Variants in NBEA observed in about 807,000 individuals in gnomAD.
NBEA encodes the protein lysosomal-trafficking regulator 2.
In NBEA, 44 loss-of-function variants were observed where a neutral mutation model predicts 343.4. That is an observed-to-expected ratio of 0.13 (90% confidence interval 0.10 to 0.16). The LOEUF (loss-of-function observed/expected upper bound fraction) is 0.16. Among genes scored for constraint, NBEA ranks in the 10% least tolerant of loss-of-function variants. The probability of loss-of-function intolerance (pLI) is 1.00; values close to 1 mark genes in which losing one functional copy is unlikely to be tolerated. For missense variants in NBEA, 2,555 were observed against 3,631.3 expected, an observed-to-expected ratio of 0.70 and a Z score of 7.62; for synonymous variants, 1,175 against 1,238.7, an observed-to-expected ratio of 0.95 and a Z score of 1.08.
chr13:34,972,522 T>C (rs2060031570), intron 1 of NBEA, among the ~76,000 whole-genome samples: 1 of 152,248 alleles, frequency 6.6e-6, no homozygotes, highest in Non-Finnish European at 1.5e-5. Context: ...TTCTGGTACC[T>C]TGTATCTTTG....
intron 47 of NBEA, among the ~76,000 whole-genome samples, chr13:35,601,843 A>G (rs890242418): frequency 6.6e-6 from 1 of 151,658 alleles, no homozygotes; most frequent in Non-Finnish European, 1.5e-5. Context: ...AGAATATAGG[A>G]GCAGGAAACC....
At chr13:35,142,608 T>C (rs924216928) in intron 18 of NBEA, among the ~76,000 whole-genome samples, 1 of 152,208 alleles carries the variant, frequency 6.6e-6, no homozygotes, top group Non-Finnish European at 1.5e-5. Context: ...TTTCTTCTTG[T>C]ATGGGTTGGC....
At chr13:35,219,751 C>T (rs1338466280) in intron 33 of NBEA, among the ~76,000 whole-genome samples, 3 of 152,014 alleles carry the variant, frequency 2.0e-5, no homozygotes, top group African/African-American at 4.8e-5. Context: ...GAAGAAGAGC[C>T]GATGTTTCCG....
At chr13:35,006,590 C>T (rs78079959) in intron 1 of NBEA, among the ~76,000 whole-genome samples, 2,345 of 152,224 alleles carry the variant, frequency 0.015, 65 homozygotes, top group African/African-American at 0.054. Flanking sequence ...CATCTGGGCT[C>T]ATTTACTTTC....
chr13:35,074,125 A>G (rs2064002191), intron 10 of NBEA, among the ~76,000 whole-genome samples: 1 of 152,220 alleles, frequency 6.6e-6, no homozygotes, highest in South Asian at 2.1e-4. Flanking sequence ...ATTTATTACT[A>G]GTACAACTTT....
intron 41 of NBEA, among the ~76,000 whole-genome samples, chr13:35,541,447 A>G (rs189905738): frequency 1.0e-3 from 159 of 152,202 alleles, no homozygotes; most frequent in African/African-American, 3.8e-3. Flanking sequence ...CACTTGGTAG[A>G]AAAGAGCTGA....
At chr13:35,454,170 TACAGTGGAAA>T (rs1051437504) in intron 40 of NBEA, among the ~76,000 whole-genome samples, 3 of 152,186 alleles carry the variant, frequency 2.0e-5, no homozygotes, top group Non-Finnish European at 4.4e-5. Flanking sequence ...GAACCTTGAA[TACAGTGGAAA>T]AGAAGTAAGG....
chr13:35,314,446 A>G (rs2037581421), intron 36 of NBEA, among the ~76,000 whole-genome samples: 1 of 152,010 alleles, frequency 6.6e-6, no homozygotes, highest in Non-Finnish European at 1.5e-5. Flanking sequence ...CTGAGGACCA[A>G]CCCCTTCCTA....
At chr13:35,379,667 A>T (rs2041913219) in intron 38 of NBEA, among the ~76,000 whole-genome samples, 1 of 149,488 alleles carries the variant, frequency 6.7e-6, no homozygotes, top group Admixed American at 6.7e-5. Flanking sequence ...AGATTTGAAA[A>T]CCATTTGGAA....
chr13:35,564,387 C>T (rs2080031986), intron 44 of NBEA, among the ~76,000 whole-genome samples: 1 of 151,976 alleles, frequency 6.6e-6, no homozygotes, highest in African/African-American at 2.4e-5. Flanking sequence ...AGTAGAACAG[C>T]TCCCCCAAGA....
chr13:35,601,568 C>A (rs1593335719), intron 47 of NBEA, among the ~76,000 whole-genome samples: 1 of 151,808 alleles, frequency 6.6e-6, no homozygotes, highest in South Asian at 2.1e-4. Flanking sequence ...TCAAGACCAG[C>A]CTGGCCAATA....
chr13:35,552,742 G>T (rs1464762146), intron 43 of NBEA, among the ~76,000 whole-genome samples: 1 of 152,110 alleles, frequency 6.6e-6, no homozygotes, highest in African/African-American at 2.4e-5. Context: ...TTTCTATATG[G>T]CATGTATAAT....
intron 6 of NBEA, among the ~76,000 whole-genome samples, chr13:35,051,793 G>A (rs1350460136): frequency 6.6e-6 from 1 of 151,910 alleles, no homozygotes; most frequent in African/African-American, 2.4e-5. Context: ...ACAGTTGTTG[G>A]TATTATAATT....
intron 1 of NBEA, among the ~76,000 whole-genome samples, chr13:35,036,540 T>C (rs1186319763): frequency 6.6e-6 from 1 of 152,146 alleles, no homozygotes; most frequent in East Asian, 1.9e-4. Context: ...TGCCCTTTTC[T>C]TTCTGATTGA....
chr13:35,466,833 A>G (rs2075404883), intron 40 of NBEA, among the ~76,000 whole-genome samples: 1 of 152,144 alleles, frequency 6.6e-6, no homozygotes, highest in African/African-American at 2.4e-5. Context: ...ACAGCTATCA[A>G]TATTATTTGT....
intron 34 of NBEA, among the ~76,000 whole-genome samples, chr13:35,272,677 G>T (rs757506022): frequency 1.3e-5 from 2 of 151,346 alleles, no homozygotes; most frequent in Non-Finnish European, 2.9e-5. Context: ...CAAGCAAATG[G>T]AAAGCAAAAA....
At chr13:35,563,879 T>C (rs1486892290) in intron 44 of NBEA, among the ~76,000 whole-genome samples, 1 of 151,228 alleles carries the variant, frequency 6.6e-6, no homozygotes, top group East Asian at 1.9e-4. Flanking sequence ...TAGCATTATT[T>C]TTTTTTTAAC....
intron 18 of NBEA, among the ~76,000 whole-genome samples, chr13:35,151,059 G>A (rs946390864): frequency 6.9e-6 from 1 of 145,408 alleles, no homozygotes; most frequent in African/African-American, 2.6e-5. Flanking sequence ...AGGTTGCAGC[G>A]AACTGAGATT....
At chr13:35,481,013 A>G (rs551736840) in intron 41 of NBEA, among the ~76,000 whole-genome samples, 65 of 152,094 alleles carry the variant, frequency 4.3e-4, no homozygotes, top group African/African-American at 1.4e-3. Context: ...TGTTTGCACA[A>G]TTTAGACCCT....
Sources: allele counts gnomAD v4.1 joint callset (sites outside exome capture counted in the v4.1 genomes callset), GRCh38; gene constraint gnomAD v4.1.1; transcripts MANE v1.5; gene names NCBI Gene and HGNC (gene_info 2026-07-23, HGNC 2026-07-21).